The following RAP1GAP2 variants were observed in gnomAD, a reference collection of about 807,000 sequenced individuals.
RAP1GAP2 encodes RAP1 GTPase activating protein 2.
Under a neutral mutation model 95.0 loss-of-function variants are expected in RAP1GAP2, and 27 were observed. The observed-to-expected ratio is 0.28, with a 90% CI of 0.21 to 0.39. The LOEUF is 0.39. RAP1GAP2 is among the 10% of genes least tolerant of loss of function. The pLI is 1.00. For synonymous variants in RAP1GAP2, 373 were observed against 380.9 expected (o/e 0.98, Z 0.24); for missense variants, 771 against 970.0 (o/e 0.79, Z 2.72).
upstream of RAP1GAP2, among the ~76,000 whole-genome samples, chr17:2,791,918 G>A (rs1156595946): frequency 2.1e-5 from 3 of 142,556 alleles, no homozygotes; most frequent in African/African-American, 5.3e-5. Flanking sequence ...GGAGTGCAAT[G>A]TCACGGTCTT....
At position 2,903,270 on chromosome 17, in the gene RAP1GAP2, A is replaced by T. The variant is rs1414725376; in HGVS notation, c.81-2014A>T. Among the ~76,000 whole-genome samples, 1 of 152,160 alleles carries T rather than the reference A, an allele frequency of 6.6e-6. No individual in the cohort carries two copies. The highest frequency in any genetic ancestry group is 1.5e-5 in the Non-Finnish European group (1 of 68,000). ...TTCCTTTCCCCCATCATGGCTCTTAAAGGCCAGGCCCATTGAGGAGGAGCT... is the reference window on the plus strand; with the variant it reads ...TTCCTTTCCCCCATCATGGCTCTTATAGGCCAGGCCCATTGAGGAGGAGCT... On this transcript the variant is annotated intron_variant, in intron 2 of 24. Transcript: ENST00000254695. This position sits in a 1 kb window ranked among gnomAD's most constrained non-coding sequence, Gnocchi z 4.1.
At chr17:2,927,344 G>T (rs372484067) in intron 3 of RAP1GAP2, among the ~76,000 whole-genome samples, 9 of 151,808 alleles carry the variant, frequency 5.9e-5, no homozygotes, top group Non-Finnish European at 1.2e-4. Flanking sequence ...TAGTAGAGAC[G>T]GGGTTTCACC....
At chr17:2,880,567 C>T (rs2073247371) in intron 2 of RAP1GAP2, among the ~76,000 whole-genome samples, 1 of 151,388 alleles carries the variant, frequency 6.6e-6, no homozygotes, top group Non-Finnish European at 1.5e-5. Context: ...TTTTGGGATC[C>T]TCACTACCAT....
Position 3,004,615 on chromosome 17 carries a change from G to A in RAP1GAP2, c.1201-754G>A, listed in dbSNP as rs1597850992. On this transcript the variant is annotated intron_variant, in intron 14 of 24. Coordinates refer to ENST00000254695, the MANE Select transcript of RAP1GAP2 (RefSeq NM_015085.5). This position sits in a 1 kb window ranked among gnomAD's most constrained non-coding sequence, Gnocchi z 4.1. ...CCCCCATGCAGCGAACCTCGAGGCC[G>A]TCACTCTAAAGCTCAGTCTCACTCA... Among the ~76,000 whole-genome samples the A allele has an allele frequency of 6.6e-6, 1 of 152,370 alleles. No individual in the cohort carries two copies. The highest frequency in any genetic ancestry group is 2.4e-5 in the African/African-American group (1 of 41,594).
chr17:2,964,526 A>T (rs957613899), intron 7 of RAP1GAP2: 1 of 164,210 alleles, frequency 6.1e-6, no homozygotes, highest in African/African-American at 2.4e-5. Context: ...GGGGCAGGGG[A>T]GCCATGTAAC....
chr17:2,831,639 C>T (rs2070858621), intron 2 of RAP1GAP2, among the ~76,000 whole-genome samples: 1 of 151,778 alleles, frequency 6.6e-6, no homozygotes, highest in Non-Finnish European at 1.5e-5. Flanking sequence ...GCCTGTAATC[C>T]CAGGACCGTA....
intron 3 of RAP1GAP2, among the ~76,000 whole-genome samples, chr17:2,954,040 A>G (rs1323908837): frequency 6.6e-6 from 1 of 152,070 alleles, no homozygotes; most frequent in Non-Finnish European, 1.5e-5. Context: ...TTCTGTCTCT[A>G]TGAGGTTGCA....
At chr17:2,768,858 A>C (rs1390260351) in intron 1 of RAP1GAP2, among the ~76,000 whole-genome samples, 1 of 151,820 alleles carries the variant, frequency 6.6e-6, no homozygotes, top group East Asian at 1.9e-4. Context: ...GAGACCCTGG[A>C]GGTTCTAGAA....
upstream of RAP1GAP2, among the ~76,000 whole-genome samples, chr17:2,793,970 G>A (rs1051048247): frequency 5.9e-5 from 9 of 151,932 alleles, no homozygotes; most frequent in African/African-American, 1.7e-4. Flanking sequence ...GCGTGGTGGC[G>A]GGCGCCTGTA....
At chr17:3,012,273 A>G (rs1450317204) in intron 17 of RAP1GAP2, among the ~76,000 whole-genome samples, 2 of 152,046 alleles carry the variant, frequency 1.3e-5, no homozygotes, top group African/African-American at 2.4e-5. Context: ...AAACACTTCT[A>G]AAGTTTGCAT....
intron 2 of RAP1GAP2, among the ~76,000 whole-genome samples, chr17:2,808,409 T>A (rs555251484): frequency 6.6e-5 from 10 of 152,158 alleles, no homozygotes; most frequent in African/African-American, 2.2e-4. Context: ...GGAGTAAGAC[T>A]CTGAATGTAA....
chr17:2,832,506 C>T lies in RAP1GAP2; in HGVS notation c.80+31956C>T, dbSNP rs868041773. Among the ~76,000 whole-genome samples the T allele has an allele frequency of 2.0e-3, 281 of 142,472 alleles. 1 individual carries two copies. Among genetic ancestry groups the T allele is most frequent in the African/African-American group, 6.5e-3 (248 of 38,294 alleles). The allele number at this position is 142,472 out of a possible 152,430, so 93.5% of individuals were successfully genotyped here. A position where few individuals can be genotyped will look rare whatever the true frequency, so the allele number is the denominator to read the frequency against. On this transcript the variant is annotated intron_variant, in intron 2 of 24. Transcript: ENST00000254695. ...CCAGGAGGTGGAGGTTGCAGTGAGC[C>T]GAGATCGCGCCACTGCACTCCAGCC...
At chr17:2,981,107 C>T in intron 9 of RAP1GAP2, 88 bp from the exon 10 acceptor site, 1 of 1,284,760 alleles carries the variant, frequency 7.8e-7, no homozygotes, top group Non-Finnish European at 1.1e-6. Flanking sequence ...GCCTCGCCCT[C>T]CCATGCCGCA....
intron 4 of RAP1GAP2, among the ~76,000 whole-genome samples, chr17:2,959,444 G>T (rs992551770): frequency 6.6e-6 from 1 of 152,130 alleles, no homozygotes; most frequent in African/African-American, 2.4e-5. Flanking sequence ...GGGTGTTTAA[G>T]TCCCTACCAT....
chr17:2,797,899 G>A lies in RAP1GAP2; in HGVS notation c.44+1328G>A. 3.4e-6 allele frequency: 2 copies of A among 590,776 alleles called. No homozygotes were observed. Among genetic ancestry groups the A allele is most frequent in the Non-Finnish European group, 4.3e-6 (2 of 469,768 alleles). 36.6% of individuals were successfully genotyped at this position (590,776 alleles called of 1,614,324 possible). On this transcript the variant is annotated intron_variant, in intron 1 of 24. Transcript: ENST00000254695. The surrounding 1 kb of genome is among the most constrained non-coding windows in gnomAD (Gnocchi z 5.6). ...CCAGCAATTAGATTGTGCCCTCCAA[G>A]GCCCGCCTTTCTCTGGGAGGTGTGG...
At chr17:2,826,320 A>G (rs1308145289) in intron 2 of RAP1GAP2, among the ~76,000 whole-genome samples, 1 of 151,850 alleles carries the variant, frequency 6.6e-6, no homozygotes, top group South Asian at 2.1e-4. Context: ...ACACTGAGGA[A>G]ACAGTAAGGG....
At chr17:2,897,615 C>T (rs533913212) in intron 2 of RAP1GAP2, among the ~76,000 whole-genome samples, 17 of 152,184 alleles carry the variant, frequency 1.1e-4, no homozygotes, top group African/African-American at 3.9e-4. Context: ...CCACCTCAGC[C>T]TCCCAAGGTG....
intron 1 of RAP1GAP2, among the ~76,000 whole-genome samples, chr17:2,760,721 T>TA (rs1303098606): frequency 6.6e-6 from 1 of 151,558 alleles, no homozygotes; most frequent in Non-Finnish European, 1.5e-5. Context: ...CCATTCAAGA[T>TA]ACCGCATTAC....
At chr17:2,856,093 A>G (rs368248040) in intron 2 of RAP1GAP2, among the ~76,000 whole-genome samples, 1 of 152,154 alleles carries the variant, frequency 6.6e-6, no homozygotes, top group Non-Finnish European at 1.5e-5. Context: ...CTTCCCCTGG[A>G]CTTGGATTCC....
Sources: gnomAD v4.1 joint callset for allele counts (sites outside exome capture counted in the v4.1 genomes callset) on GRCh38, gnomAD v4.1.1 for gene constraint, Gnocchi (gnomAD v3.1) non-coding constraint, MANE v1.5 for transcripts, NCBI Gene and HGNC (gene_info 2026-07-23, HGNC 2026-07-21) for gene names.